Variants in ZMYND8 observed in about 807,000 individuals in gnomAD.
ZMYND8 encodes the protein zinc finger MYND-type containing 8, also known as MYND-type zinc finger-containing chromatin reader ZMYND8.
Under a neutral mutation model 140.8 loss-of-function variants are expected in ZMYND8, and 37 were observed. The observed-to-expected ratio is 0.26, with a 90% CI of 0.20 to 0.35. The LOEUF is 0.35. Among genes scored for constraint, ZMYND8 ranks in the 10% least tolerant of loss-of-function variants. ZMYND8 has a pLI of 1.00. For missense variants in ZMYND8, 1,068 were observed against 1,570.0 expected, an observed-to-expected ratio of 0.68 and a Z score of 5.40; for synonymous variants, 592 against 597.1, an observed-to-expected ratio of 0.99 and a Z score of 0.12.
At chr20:47,216,495 C>CAAAAAAAAAAAAAA (rs10536216) in intron 21 of ZMYND8, among the ~76,000 whole-genome samples, 17 of 59,450 alleles carry the variant, frequency 2.9e-4, no homozygotes, top group African/African-American at 3.7e-4. Context: ...GACTCTGTCT[C>CAAAAAAAAAAAAAA]AAAAAAAAAA....
At chr20:47,323,309 C>T (rs1230150957) in intron 2 of ZMYND8, among the ~76,000 whole-genome samples, 1 of 152,182 alleles carries the variant, frequency 6.6e-6, no homozygotes, top group Non-Finnish European at 1.5e-5. Flanking sequence ...GTGGCACAGT[C>T]ATGGCTCACT....
chr20:47,221,621 G>A, intron 19 of ZMYND8, 147 bp from the exon 20 acceptor site: 1 of 1,006,564 alleles, frequency 9.9e-7, no homozygotes, highest in South Asian at 2.0e-5. Context: ...GGGCCAGATT[G>A]CCAGAGTTTT....
rs192225123 is a variant in ZMYND8 at position 47,339,775 on chromosome 20, C to T, written c.85+8081G>A. Among the ~76,000 whole-genome samples, 96 of 152,252 alleles carry T rather than the reference C, an allele frequency of 6.3e-4. No homozygotes were observed. The East Asian group carries it at 0.01, about 16-fold the overall frequency. Reference sequence around the variant, plus strand: ...ACAGGCGTGAGTGAGGCACCACACCCGGCCCCAAGAACCATTCTGAGCATT... The same window carrying T: ...ACAGGCGTGAGTGAGGCACCACACCTGGCCCCAAGAACCATTCTGAGCATT... On this transcript the variant is annotated intron_variant, in intron 2 of 22. Coordinates refer to ENST00000471951, the MANE Select transcript of ZMYND8 (RefSeq NM_001281775.3).
intron 12 of ZMYND8, among the ~76,000 whole-genome samples, chr20:47,251,836 C>T (rs915344494): frequency 2.0e-5 from 3 of 151,720 alleles, no homozygotes; most frequent in Admixed American, 6.6e-5. Flanking sequence ...TGCCCCGCCC[C>T]GCACCATCTG....
intron 1 of ZMYND8, chr20:47,349,948 T>C: frequency 6.5e-7 from 1 of 1,535,206 alleles, no homozygotes; most frequent in Non-Finnish European, 8.7e-7. Flanking sequence ...ATTTGGCTTG[T>C]AACAGCCTAG....
At chr20:47,255,835 T>TAC (rs375610073) in intron 12 of ZMYND8, among the ~76,000 whole-genome samples, 1,738 of 143,878 alleles carry the variant, frequency 0.012, 28 homozygotes, top group East Asian at 0.093. Context: ...TATATATATA[T>TAC]ACACACACAC....
Position 47,298,684 on chromosome 20 carries a change from G to A in ZMYND8, c.453+45C>T. 1.3e-6 allele frequency: 2 copies of A among 1,572,516 alleles called. No homozygotes were observed. The highest frequency in any genetic ancestry group is 8.6e-7 in the Non-Finnish European group (1 of 1,156,438). On this transcript the variant is annotated intron_variant, in intron 4 of 22. Coordinates refer to ENST00000471951, the MANE Select transcript of ZMYND8 (RefSeq NM_001281775.3). This position sits in a 1 kb window ranked among gnomAD's most constrained non-coding sequence, Gnocchi z 5.0. ...AAAAATAAAAGGAAGAAAGAGAAAG[G>A]AGAGGAAACGAGGCAGGTAATGCAT... is the stretch of plus-strand genomic sequence containing the variant.
intron 13 of ZMYND8, among the ~76,000 whole-genome samples, chr20:47,249,047 G>A (rs774774362): frequency 2.6e-5 from 4 of 152,152 alleles, no homozygotes; most frequent in Non-Finnish European, 5.9e-5. Context: ...CCTGTATCTC[G>A]AGTTTCCAGA....
intron 16 of ZMYND8, among the ~76,000 whole-genome samples, chr20:47,235,100 A>G (rs2039046080): frequency 6.6e-6 from 1 of 152,236 alleles, no homozygotes; most frequent in Non-Finnish European, 1.5e-5. Context: ...ATTATTAACT[A>G]CTTAGTAATT....
intron 12 of ZMYND8, among the ~76,000 whole-genome samples, chr20:47,250,795 A>G (rs532203407): frequency 6.6e-6 from 1 of 152,232 alleles, no homozygotes; most frequent in Non-Finnish European, 1.5e-5. Flanking sequence ...GCCCCACCCA[A>G]TCCACTCACA....
rs952697824 is a variant in ZMYND8 at position 47,224,707 on chromosome 20, T to A, written c.3017-151A>T. 7.3e-6 allele frequency: 10 copies of A among 1,371,296 alleles called. No homozygotes were observed. In the African/African-American group the frequency reaches 1.2e-4, roughly 16 times the overall value. 84.9% of individuals were successfully genotyped at this position (1,371,296 alleles called of 1,614,324 possible). A position where few individuals can be genotyped will look rare whatever the true frequency, so the allele number is the denominator to read the frequency against. On this transcript the variant is annotated intron_variant, in intron 18 of 22. Transcript: ENST00000471951. ...CCCATGGGCAATAACCTAGCCCGAG[T>A]CTTCATCTGTAAATAGGGCATTCAT...
At chr20:47,337,648 G>A (rs2081489584) in intron 2 of ZMYND8, among the ~76,000 whole-genome samples, 2 of 152,088 alleles carry the variant, frequency 1.3e-5, no homozygotes, top group African/African-American at 2.4e-5. Context: ...ATTAAATGAA[G>A]TAATTTGCAT....
intron 21 of ZMYND8, among the ~76,000 whole-genome samples, chr20:47,217,763 A>C (rs1448341170): frequency 6.6e-6 from 1 of 152,176 alleles, no homozygotes; most frequent in Non-Finnish European, 1.5e-5. Flanking sequence ...TAAGGTGTTC[A>C]TGCTCTTCAG....
In ZMYND8 at chr20:47,306,967, G is replaced by T. The variant is rs190215453; in HGVS notation, c.234+3089C>A. ...AGCAAGCACAGGCCTGTGTCTAAAG[G>T]GGCAGGCTTGACTCAGCTCCAGCTG... On this transcript the variant is annotated intron_variant, in intron 3 of 22. Coordinates refer to ENST00000471951, the MANE Select transcript of ZMYND8 (RefSeq NM_001281775.3). Among the ~76,000 whole-genome samples the T allele has an allele frequency of 1.8e-3, 271 of 152,202 alleles. 2 individuals carry two copies. Among genetic ancestry groups the T allele is most frequent in the Admixed American group, 0.016 (243 of 15,272 alleles).
chr20:47,277,620 TG>T (rs1418708866), intron 10 of ZMYND8, among the ~76,000 whole-genome samples: 2 of 152,024 alleles, frequency 1.3e-5, no homozygotes, highest in Non-Finnish European at 2.9e-5. Flanking sequence ...AAGGCTTTTG[TG>T]GGGGATTTTT....
At chr20:47,250,762 T>TAACTA (rs1332124117) in intron 12 of ZMYND8, among the ~76,000 whole-genome samples, 1 of 152,172 alleles carries the variant, frequency 6.6e-6, no homozygotes, top group Non-Finnish European at 1.5e-5. Context: ...TCCTTCAAAG[T>TAACTA]AACTAGAAGC....
At chr20:47,231,094 T>A (rs2038416989) in intron 16 of ZMYND8, among the ~76,000 whole-genome samples, 1 of 152,180 alleles carries the variant, frequency 6.6e-6, no homozygotes, top group African/African-American at 2.4e-5. Flanking sequence ...CATCTTTAAC[T>A]ATCTGACCCC....
chr20:47,243,316 C>T (rs1022041335), intron 14 of ZMYND8, among the ~76,000 whole-genome samples: 2 of 152,218 alleles, frequency 1.3e-5, no homozygotes, highest in African/African-American at 2.4e-5. Flanking sequence ...CCCAAACCAC[C>T]ATCAGCTCTG....
intron 3 of ZMYND8, among the ~76,000 whole-genome samples, chr20:47,302,851 C>G (rs1034498089): frequency 6.6e-6 from 1 of 152,162 alleles, no homozygotes; most frequent in East Asian, 1.9e-4. Flanking sequence ...AATAAGATGA[C>G]TACTAAAAAC....
Sources: gnomAD v4.1 joint callset for allele counts (sites outside exome capture counted in the v4.1 genomes callset) on GRCh38, gnomAD v4.1.1 for gene constraint, Gnocchi (gnomAD v3.1) non-coding constraint, MANE v1.5 for transcripts, NCBI Gene and HGNC (gene_info 2026-07-23, HGNC 2026-07-21) for gene names.